The following TNR variants were observed in gnomAD, a reference collection of about 807,000 sequenced individuals.
TNR encodes tenascin-R.
In TNR, 45 loss-of-function variants were observed where a neutral mutation model predicts 150.4. The observed-to-expected ratio is 0.30, with a 90% confidence interval of 0.24 to 0.38. TNR has a LOEUF of 0.38. Among genes scored for constraint, TNR ranks in the 10% least tolerant of loss-of-function variants. The pLI, the probability that TNR is intolerant of heterozygous loss-of-function variation, is 1.00. For missense variants in TNR, 1,544 were observed against 1,759.1 expected (o/e 0.88, Z 2.19); for synonymous variants, 687 against 678.4 (o/e 1.01, Z -0.20).
At chr1:175,403,978 T>C (rs868091915) in intron 3 of TNR, among the ~76,000 whole-genome samples, 1 of 152,018 alleles carries the variant, frequency 6.6e-6, no homozygotes, top group East Asian at 1.9e-4. Flanking sequence ...GAGTGGAAAG[T>C]TGGGAAGGGA....
chr1:175,470,119 T>C (rs906613795), intron 2 of TNR, among the ~76,000 whole-genome samples: 3 of 151,932 alleles, frequency 2.0e-5, no homozygotes, highest in Non-Finnish European at 2.9e-5. Flanking sequence ...AGGAGTTCAG[T>C]ATTGGACGGG....
intron 18 of TNR, among the ~76,000 whole-genome samples, chr1:175,340,136 T>C (rs1650449599): frequency 6.6e-6 from 1 of 152,046 alleles, no homozygotes; most frequent in Admixed American, 6.6e-5. Context: ...AAACACTGGA[T>C]GGGATAAACG....
intron 1 of TNR, among the ~76,000 whole-genome samples, chr1:175,738,178 T>G (rs896200496): frequency 2.6e-5 from 4 of 152,124 alleles, no homozygotes; most frequent in Non-Finnish European, 5.9e-5. Context: ...CATGGGAGTG[T>G]CATGACAAGA....
intron 14 of TNR, among the ~76,000 whole-genome samples, chr1:175,362,076 G>A (rs1651618668): frequency 6.6e-6 from 1 of 152,176 alleles, no homozygotes; most frequent in African/African-American, 2.4e-5. Flanking sequence ...TCTGACTAGG[G>A]GGCCTGTCAG....
intron 1 of TNR, among the ~76,000 whole-genome samples, chr1:175,588,520 CTTT>C (rs894032302): frequency 6.6e-6 from 1 of 151,392 alleles, no homozygotes; most frequent in African/African-American, 2.4e-5. Context: ...TGTTTCATGT[CTTT>C]TTTTTTCTAA....
At position 175,317,367 on chromosome 1, in the gene TNR, T is replaced by C. The variant is rs1648875253; in HGVS notation, c.*5990A>G. ...AATAAAATGAGAGGATTATATTAGATGATCTTGAGTCCCATCCAGCTCTGA... is the reference window on the plus strand; with the variant it reads ...AATAAAATGAGAGGATTATATTAGACGATCTTGAGTCCCATCCAGCTCTGA... On this transcript the variant is annotated 3_prime_UTR_variant, in exon 23 of 23. Coordinates refer to ENST00000367674, the MANE Select transcript of TNR (RefSeq NM_003285.3). 6.6e-6 allele frequency: 1 copy of C among 152,246 alleles called. No individual in the cohort carries two copies. The highest frequency in any genetic ancestry group is 2.4e-5 in the African/African-American group (1 of 41,462). 9.4% of individuals were successfully genotyped at this position (152,246 alleles called of 1,614,324 possible). A position where few individuals can be genotyped will look rare whatever the true frequency, so the allele number is the denominator to read the frequency against.
At chr1:175,634,701 C>A (rs59266012) in intron 1 of TNR, among the ~76,000 whole-genome samples, 3,237 of 152,256 alleles carry the variant, frequency 0.021, 99 homozygotes, top group African/African-American at 0.071. Flanking sequence ...CAAGTATGGA[C>A]ACCGAGGCAT....
chr1:175,471,476 C>T (rs757772308), intron 2 of TNR, among the ~76,000 whole-genome samples: 41 of 152,214 alleles, frequency 2.7e-4, no homozygotes, highest in South Asian at 1.2e-3. Context: ...TGTAAACCTG[C>T]GGAGCATGTT....
At chr1:175,564,637 G>A (rs1454722130) in intron 1 of TNR, among the ~76,000 whole-genome samples, 1 of 152,044 alleles carries the variant, frequency 6.6e-6, no homozygotes, top group Admixed American at 6.6e-5. Flanking sequence ...GGGGAGCTTA[G>A]GGAACACATG....
In TNR at chr1:175,403,589, C is replaced by T. The variant is rs1362488249; in HGVS notation, c.527G>A (p.Ser176Asn). 1 of 1,613,696 alleles carries T rather than the reference C, an allele frequency of 6.2e-7. No homozygotes were observed. The highest frequency in any genetic ancestry group is 1.3e-5 in the African/African-American group (1 of 74,910). Residue 176 changes from serine to asparagine, a missense_variant, in exon 4 of 23, where the codon AGT becomes AAT. Physicochemically the swap from Ser to Asn is conservative, Grantham distance 46. This residue lies in a region of TNR where 1,254 missense variants were observed against 1,329.4 expected (regional missense o/e 0.94). Coordinates refer to ENST00000367674, the MANE Select transcript of TNR (RefSeq NM_003285.3). ...CTCAAAGCTAAAGTTGCCGTGGCCACTGCAGTGAGGGATATAGTCCAGTTG... is the reference window on the plus strand; with the variant it reads ...CTCAAAGCTAAAGTTGCCGTGGCCATTGCAGTGAGGGATATAGTCCAGTTG... ...TGQLDYIPHCSGHGNFSFESC... is the reference protein window; with the variant it reads ...TGQLDYIPHCNGHGNFSFESC...
At chr1:175,416,939 C>T (rs557148741) in intron 2 of TNR, among the ~76,000 whole-genome samples, 45 of 151,816 alleles carry the variant, frequency 3.0e-4, no homozygotes, top group African/African-American at 9.9e-4. Flanking sequence ...ACCCGGGAGG[C>T]GGAGCTTGCA....
At chr1:175,398,878 G>A (rs1422243243) in intron 4 of TNR, among the ~76,000 whole-genome samples, 1 of 152,170 alleles carries the variant, frequency 6.6e-6, no homozygotes, top group Non-Finnish European at 1.5e-5. Flanking sequence ...GTCATATGAG[G>A]TAGTTCATGT....
At chr1:175,422,660 C>T (rs1204795319) in intron 2 of TNR, among the ~76,000 whole-genome samples, 3 of 152,152 alleles carry the variant, frequency 2.0e-5, no homozygotes, top group African/African-American at 7.2e-5. Flanking sequence ...TGTAGGTCTC[C>T]CCCCTAACCC....
chr1:175,699,237 G>C (rs183285053), intron 1 of TNR, among the ~76,000 whole-genome samples: 1 of 152,048 alleles, frequency 6.6e-6, no homozygotes, highest in African/African-American at 2.4e-5. Context: ...CCATTATGGA[G>C]AAGAAAAAAA....
At chr1:175,553,597 C>A (rs1311778373) in intron 1 of TNR, among the ~76,000 whole-genome samples, 2 of 152,008 alleles carry the variant, frequency 1.3e-5, no homozygotes, top group African/African-American at 4.8e-5. Context: ...TTCTAATTAG[C>A]AATATTTCTG....
intron 1 of TNR, among the ~76,000 whole-genome samples, chr1:175,730,060 C>T (rs927228262): frequency 6.6e-6 from 1 of 152,148 alleles, no homozygotes; most frequent in African/African-American, 2.4e-5. Context: ...CATGAGTATC[C>T]TGAAAGGAAG....
chr1:175,491,616 A>C (rs146705384), intron 2 of TNR, among the ~76,000 whole-genome samples: 87 of 145,956 alleles, frequency 6.0e-4, no homozygotes, highest in African/African-American at 2.1e-3. Flanking sequence ...CATCTGTGTA[A>C]TTATGTCTAA....
intron 1 of TNR, among the ~76,000 whole-genome samples, chr1:175,533,565 G>A (rs1019570479): frequency 3.9e-5 from 6 of 152,240 alleles, no homozygotes; most frequent in African/African-American, 1.4e-4. Flanking sequence ...GTCAGGATGT[G>A]TGAGAGACGC....
intron 1 of TNR, among the ~76,000 whole-genome samples, chr1:175,572,164 C>T (rs1029974051): frequency 1.3e-5 from 2 of 152,124 alleles, no homozygotes; most frequent in East Asian, 3.9e-4. Flanking sequence ...TTAATGAGCT[C>T]ACACCGAGGT....
Sources: gnomAD v4.1 joint callset for allele counts (sites outside exome capture counted in the v4.1 genomes callset) on GRCh38, gnomAD v4.1.1 for gene constraint, gnomAD v4.1.1 regional missense constraint, MANE v1.5 for transcripts, NCBI Gene and HGNC (gene_info 2026-07-23, HGNC 2026-07-21) for gene names.